Variants in KIF16B observed in about 807,000 individuals in gnomAD.
KIF16B encodes kinesin-like protein KIF16B.
Under a neutral mutation model 156.3 loss-of-function variants are expected in KIF16B, and 98 were observed. That is an observed-to-expected ratio of 0.63 (90% CI 0.53 to 0.74). The LOEUF (loss-of-function observed/expected upper bound fraction) is 0.74. Ranked by LOEUF, KIF16B falls within the 30% of genes least tolerant of loss-of-function variation. The pLI, the probability that KIF16B is intolerant of heterozygous loss-of-function variation, is 0.00. For missense variants in KIF16B, 1,421 were observed against 1,606.5 expected (o/e 0.88, Z 1.97); for synonymous variants, 564 against 583.7 (o/e 0.97, Z 0.49).
intron 10 of KIF16B, among the ~76,000 whole-genome samples, chr20:16,503,863 C>G (rs1307786128): frequency 6.6e-6 from 1 of 152,086 alleles, no homozygotes; most frequent in Non-Finnish European, 1.5e-5. Context: ...AACAATCAAG[C>G]GAGGGCCCAG....
chr20:16,327,011 ATATG>A (rs2063863468), intron 24 of KIF16B, among the ~76,000 whole-genome samples: 2 of 148,002 alleles, frequency 1.4e-5, no homozygotes, highest in South Asian at 4.2e-4. Flanking sequence ...GTGTATGCAT[ATATG>A]TGTGTGTATA....
At chr20:16,516,511 C>T (rs2069147217) in intron 3 of KIF16B, among the ~76,000 whole-genome samples, 1 of 152,198 alleles carries the variant, frequency 6.6e-6, no homozygotes, top group African/African-American at 2.4e-5. Flanking sequence ...GCACATAAAG[C>T]ATCTCCCTGC....
chr20:16,451,816 C>T (rs1271013409), intron 12 of KIF16B, among the ~76,000 whole-genome samples: 3 of 151,924 alleles, frequency 2.0e-5, no homozygotes, highest in African/African-American at 4.8e-5. Flanking sequence ...CTTTAATATT[C>T]AGTATTTTAA....
At chr20:16,296,532 CAT>C (rs2063388803) in intron 25 of KIF16B, among the ~76,000 whole-genome samples, 1 of 152,172 alleles carries the variant, frequency 6.6e-6, no homozygotes, top group South Asian at 2.1e-4. Flanking sequence ...ATGCTATTTC[CAT>C]AGACAGGAAA....
chr20:16,501,580 T>C (rs1449255943), intron 10 of KIF16B, among the ~76,000 whole-genome samples: 5 of 151,930 alleles, frequency 3.3e-5, no homozygotes, highest in African/African-American at 1.2e-4. Flanking sequence ...CAGCCCGAAA[T>C]AGGAAACCCC....
chr20:16,512,799 C>G, intron 5 of KIF16B, 27 bp downstream of exon 5: 2 of 1,517,656 alleles, frequency 1.3e-6, no homozygotes, highest in Middle Eastern at 1.7e-4. Context: ...CAAGCTCACA[C>G]ACAGTTACCC....
intron 24 of KIF16B, among the ~76,000 whole-genome samples, chr20:16,325,668 A>G (rs1237544339): frequency 6.6e-6 from 1 of 152,166 alleles, no homozygotes; most frequent in Non-Finnish European, 1.5e-5. Flanking sequence ...ATGGAAACAC[A>G]TCCCATGCTC....
At chr20:16,285,459 T>A (rs1258333320) in intron 25 of KIF16B, among the ~76,000 whole-genome samples, 1 of 152,192 alleles carries the variant, frequency 6.6e-6, no homozygotes. Flanking sequence ...CAAAAAAATT[T>A]ATTGTTATTA....
intron 12 of KIF16B, among the ~76,000 whole-genome samples, chr20:16,486,998 A>C (rs1163447511): frequency 6.6e-6 from 1 of 152,152 alleles, no homozygotes; most frequent in Non-Finnish European, 1.5e-5. Context: ...TCACACCTAT[A>C]ATCTCAGCAG....
intron 11 of KIF16B, among the ~76,000 whole-genome samples, chr20:16,496,092 A>C (rs2146947032): frequency 6.6e-6 from 1 of 151,892 alleles, no homozygotes; most frequent in Admixed American, 6.6e-5. Flanking sequence ...AACCCTACAG[A>C]CTCCTGATAG....
intron 12 of KIF16B, among the ~76,000 whole-genome samples, chr20:16,463,909 G>T (rs1319555768): frequency 6.6e-6 from 1 of 152,070 alleles, no homozygotes; most frequent in African/African-American, 2.4e-5. Context: ...ACATTTCAAA[G>T]ATTTGAGAAC....
chr20:16,345,754 A>C (rs1600177407), intron 23 of KIF16B, among the ~76,000 whole-genome samples: 1 of 152,234 alleles, frequency 6.6e-6, no homozygotes, highest in East Asian at 1.9e-4. Context: ...AGTAGGCTGG[A>C]GCTGAACTCC....
Position 16,410,054 on chromosome 20 carries a change from C to CAT in KIF16B, c.1613-3600_1613-3599dup, listed in dbSNP as rs376721429. Among the ~76,000 whole-genome samples the CAT allele has an allele frequency of 3.6e-3, 108 of 29,838 alleles. 6 individuals carry two copies. The highest frequency in any genetic ancestry group is 6.3e-3 in the South Asian group (5 of 796). The allele number at this position is 29,838 out of a possible 152,430, so 19.6% of individuals were successfully genotyped here. On this transcript the variant is annotated intron_variant, in intron 15 of 25. Transcript: ENST00000354981. The stretch of plus-strand genomic sequence containing the variant: ...GTAGGTACATATATATATGTTGGTA[C>CAT]ATATATATATATGTAGGTACATATA...
chr20:16,492,228 A>G (rs1411098736), intron 12 of KIF16B, among the ~76,000 whole-genome samples: 1 of 152,238 alleles, frequency 6.6e-6, no homozygotes, highest in African/African-American at 2.4e-5. Context: ...ATACAAACCC[A>G]TCAACTAACA....
chr20:16,546,400 C>T (rs914615140), intron 1 of KIF16B, among the ~76,000 whole-genome samples: 34 of 152,172 alleles, frequency 2.2e-4, no homozygotes, highest in African/African-American at 8.2e-4. Flanking sequence ...CAAGATCCCT[C>T]CATTTATTCA....
At chr20:16,528,007 G>GAA (rs550892613) in intron 2 of KIF16B, among the ~76,000 whole-genome samples, 2 of 151,722 alleles carry the variant, frequency 1.3e-5, no homozygotes, top group Non-Finnish European at 2.9e-5. Context: ...ATTAAAAATG[G>GAA]AAAAAAATAT....
At chr20:16,353,469 T>C (rs2064378879) in intron 23 of KIF16B, among the ~76,000 whole-genome samples, 1 of 152,210 alleles carries the variant, frequency 6.6e-6, no homozygotes, top group African/African-American at 2.4e-5. Context: ...CCCATTTTTA[T>C]TTTTATTTCT....
At chr20:16,455,546 C>G (rs1261467717) in intron 12 of KIF16B, among the ~76,000 whole-genome samples, 6 of 152,118 alleles carry the variant, frequency 3.9e-5, no homozygotes. Flanking sequence ...ATCATTGACT[C>G]AGGCAAGAAT....
At chr20:16,325,798 A>C (rs1410946914) in intron 24 of KIF16B, among the ~76,000 whole-genome samples, 2 of 152,038 alleles carry the variant, frequency 1.3e-5, no homozygotes, top group African/African-American at 2.4e-5. Context: ...AAGAAAAAAA[A>C]CCCTAAAATT....
Sources: allele counts gnomAD v4.1 joint callset (sites outside exome capture counted in the v4.1 genomes callset), GRCh38; gene constraint gnomAD v4.1.1; transcripts MANE v1.5; gene names NCBI Gene and HGNC (gene_info 2026-07-23, HGNC 2026-07-21).